TBCD: variants seen among roughly 807,000 people sequenced by gnomAD.
The protein encoded by TBCD is tubulin-specific chaperone D.
TBCD carries 105 observed loss-of-function variants against 169.3 expected under a neutral mutation model. The observed-to-expected ratio is 0.62, with a 90% confidence interval of 0.53 to 0.73. TBCD has a LOEUF of 0.73. TBCD is among the 30% of genes least tolerant of loss of function. The pLI, the probability that TBCD is intolerant of heterozygous loss-of-function variation, is 0.00. For missense variants in TBCD, 1,444 were observed against 1,600.1 expected (o/e 0.90, Z 1.66); for synonymous variants, 700 against 643.9 (o/e 1.09, Z -1.32).
rs2049575566 is a variant in TBCD at position 82,789,857 on chromosome 17, T to A, written c.772-7900T>A. On this transcript the variant is annotated intron_variant, in intron 7 of 38. Coordinates refer to ENST00000355528, the MANE Select transcript of TBCD (RefSeq NM_005993.5). The surrounding 1 kb of genome is among the most constrained non-coding windows in gnomAD (Gnocchi z 4.8). ...AGGTCACACCTGTTGTACCATCACT[T>A]TCCCCTCCTGGCCTGTTTACCCGGG... Among the ~76,000 whole-genome samples the A allele has an allele frequency of 6.6e-6, 1 of 152,182 alleles. No homozygotes were observed. Among genetic ancestry groups the A allele is most frequent in the Non-Finnish European group, 1.5e-5 (1 of 68,024 alleles).
chr17:82,834,607 C>CT (rs888578933), intron 13 of TBCD, among the ~76,000 whole-genome samples: 31 of 151,990 alleles, frequency 2.0e-4, no homozygotes, highest in African/African-American at 7.2e-4. Flanking sequence ...CCTCAGCAAA[C>CT]TAACGCAGGA....
At chr17:82,816,185 T>C (rs2051884460) in intron 13 of TBCD, among the ~76,000 whole-genome samples, 1 of 152,202 alleles carries the variant, frequency 6.6e-6, no homozygotes, top group Non-Finnish European at 1.5e-5. Context: ...ATTCTTCGGC[T>C]GAGTTTCTCT....
In TBCD at chr17:82,764,014, A is replaced by G. The variant is rs2047902671; in HGVS notation, c.285A>G (p.Pro95=). Residue 95 remains proline (P), a synonymous_variant, in exon 3 of 39, where the codon CCA becomes CCG. Coordinates refer to ENST00000355528, the MANE Select transcript of TBCD (RefSeq NM_005993.5). ...ACATAGTGCAAGATCAGACATCTCC[A>G]GCTTCCCTTGTACATCTGGCTTTTA... ...LLDIVQDQTS[P]ASLVHLAFKF... is the part of the protein sequence containing the mutation. 1 of 1,613,898 alleles carries G rather than the reference A, an allele frequency of 6.2e-7. No individual in the cohort carries two copies. Among genetic ancestry groups the G allele is most frequent in the Admixed American group, 1.7e-5 (1 of 59,998 alleles).
chr17:82,917,874 G>A lies in TBCD; in HGVS notation c.2039-2682G>A, dbSNP rs968250368. ...CCCCTGGAGTCAGCCGTGAGCCGGG[G>A]AGAGTTGGCCCCCGCCGCTCTGTCC... On this transcript the variant is annotated intron_variant, in intron 23 of 38. Coordinates refer to ENST00000355528, the MANE Select transcript of TBCD (RefSeq NM_005993.5). 3.3e-5 allele frequency among the ~76,000 whole-genome samples: 5 copies of A among 152,298 alleles called. No homozygotes were observed. The East Asian group carries it at 9.6e-4, about 29-fold the overall frequency.
chr17:82,813,891 C>T (rs988921027), intron 12 of TBCD, among the ~76,000 whole-genome samples: 11 of 152,186 alleles, frequency 7.2e-5, no homozygotes, highest in Admixed American at 4.6e-4. Context: ...GGGCTGGGCA[C>T]GCAGGAGGTG....
rs746979335 is a variant in TBCD at position 82,927,866 on chromosome 17, T to C, written c.2610-39T>C. ...GGCAGAACCAGGGTTGGAACCCCCCTCTCAAGCTGGGTGTCTCTGCCTCTC... is the reference window on the plus strand; with the variant it reads ...GGCAGAACCAGGGTTGGAACCCCCCCCTCAAGCTGGGTGTCTCTGCCTCTC... On this transcript the variant is annotated intron_variant, in intron 29 of 38. Transcript: ENST00000355528. 3.4e-5 allele frequency: 54 copies of C among 1,591,052 alleles called. No individual in the cohort carries two copies. In the South Asian group the frequency reaches 3.8e-4, roughly 11 times the overall value.
chr17:82,906,471 T>TTC (rs553744624), intron 20 of TBCD, among the ~76,000 whole-genome samples: 1 of 152,252 alleles, frequency 6.6e-6, no homozygotes, highest in South Asian at 2.1e-4. Flanking sequence ...TGCCAGAGAA[T>TTC]ATACACGTTT....
At chr17:82,788,158 A>C (rs2049442381) in intron 7 of TBCD, among the ~76,000 whole-genome samples, 1 of 152,162 alleles carries the variant, frequency 6.6e-6, no homozygotes, top group Non-Finnish European at 1.5e-5. Context: ...AAATCGCTTG[A>C]ACCCGGGAGG....
chr17:82,800,993 G>GGA lies in TBCD; in HGVS notation c.949_950dup (p.Tyr318GlyfsTer28). ...TTCCTGAAGCCGAAGGTGGCAGCAT[G>GGA]GAGGTAGGCACCATGAGGGCGGTGC... is the stretch of plus-strand genomic sequence containing the variant. On this transcript the variant is annotated frameshift_variant, in exon 9 of 39. Coordinates refer to ENST00000355528, the MANE Select transcript of TBCD (RefSeq NM_005993.5). LOFTEE classifies it high-confidence loss of function. 6.2e-7 allele frequency: 1 copy of GGA among 1,608,336 alleles called. No individual in the cohort carries two copies. Among genetic ancestry groups the GGA allele is most frequent in the Non-Finnish European group, 8.5e-7 (1 of 1,178,196 alleles).
chr17:82,850,360 G>GTTGTTGGCTGTCCTC (rs2055661122), intron 13 of TBCD, among the ~76,000 whole-genome samples: 1 of 151,488 alleles, frequency 6.6e-6, no homozygotes, highest in African/African-American at 2.4e-5. Flanking sequence ...TGGCTGTCCT[G>GTTGTTGGCTGTCCTC]TTGTTGGCTG....
Position 82,941,488 on chromosome 17 carries a change from C to A in TBCD, c.3564+5C>A. ...AGGCCCCAGCTGGTGCCCCAGGTAA[C>A]CCTGTCACCTTCACAGCATGAGGTG... On this transcript the variant is annotated splice_donor_5th_base_variant and intron_variant, in intron 38 of 38. Transcript: ENST00000355528. 1 of 1,587,270 alleles carries A rather than the reference C, an allele frequency of 6.3e-7. No homozygotes were observed. Among genetic ancestry groups the A allele is most frequent in the East Asian group, 2.3e-5 (1 of 43,540 alleles).
intron 13 of TBCD, among the ~76,000 whole-genome samples, chr17:82,852,270 G>A (rs1027583946): frequency 4.6e-5 from 7 of 151,978 alleles, no homozygotes; most frequent in Admixed American, 2.6e-4. Context: ...TGCCCCGAGC[G>A]TGGCGTTGGC....
At chr17:82,927,499 C>T (rs966367925) in intron 29 of TBCD, among the ~76,000 whole-genome samples, 176 bp downstream of exon 29, 1 of 152,214 alleles carries the variant, frequency 6.6e-6, no homozygotes, top group Non-Finnish European at 1.5e-5. Context: ...GCCTGCGTGG[C>T]AGGGCTTTGC....
Position 82,856,781 on chromosome 17 carries a change from C to T in TBCD, c.1319-13443C>T, listed in dbSNP as rs570470615. Among the ~76,000 whole-genome samples, 162 of 147,022 alleles carry T rather than the reference C, an allele frequency of 1.1e-3. 1 individual carries two copies. Among genetic ancestry groups the T allele is most frequent in the Non-Finnish European group, 1.9e-3 (123 of 66,162 alleles). ...CATCCAGGGCGGGATCGCTGGACCGCGTGCGGACCCTCGCTGCGCATCCAG... is the reference window on the plus strand; with the variant it reads ...CATCCAGGGCGGGATCGCTGGACCGTGTGCGGACCCTCGCTGCGCATCCAG... On this transcript the variant is annotated intron_variant, in intron 13 of 38. Coordinates refer to ENST00000355528, the MANE Select transcript of TBCD (RefSeq NM_005993.5).
At position 82,818,399 on chromosome 17, in the gene TBCD, A is replaced by AT. The variant is rs140634040; in HGVS notation, c.1318+3468dup. Among the ~76,000 whole-genome samples, 634 of 152,272 alleles carry AT rather than the reference A, an allele frequency of 4.2e-3. 2 individuals are homozygous for AT. Among genetic ancestry groups the AT allele is most frequent in the African/African-American group, 0.014 (600 of 41,546 alleles). On this transcript the variant is annotated intron_variant, in intron 13 of 38. Transcript: ENST00000355528. ...GTGACAGGGCTGACATTTGATGAGCATTTGCAGCATGCTTTTTATGTTTTT... is the reference window on the plus strand; with the variant it reads ...GTGACAGGGCTGACATTTGATGAGCATTTTGCAGCATGCTTTTTATGTTTTT...
At chr17:82,779,646 C>T (rs138395652) in intron 6 of TBCD, among the ~76,000 whole-genome samples, 2 of 152,302 alleles carry the variant, frequency 1.3e-5, no homozygotes, top group East Asian at 1.9e-4. Context: ...GTGTTAAGTG[C>T]CCTGAGAGGG....
intron 14 of TBCD, among the ~76,000 whole-genome samples, chr17:82,882,960 G>A (rs1299612317): frequency 6.6e-6 from 1 of 152,252 alleles, no homozygotes; most frequent in Non-Finnish European, 1.5e-5. Context: ...CCAGGCTGGA[G>A]CGGGTGACGG....
In TBCD at chr17:82,789,804, G is replaced by C. The variant is rs564963102; in HGVS notation, c.772-7953G>C. 3.3e-5 allele frequency among the ~76,000 whole-genome samples: 5 copies of C among 152,126 alleles called. No homozygotes were observed. The highest frequency in any genetic ancestry group is 1.2e-4 in the African/African-American group (5 of 41,426). ...CCTTCTGTGGACCCGTTGGGTACAC[G>C]TGTGACACTTCAGAACCCGCAAGTC... is the stretch of plus-strand genomic sequence containing the variant. On this transcript the variant is annotated intron_variant, in intron 7 of 38. Transcript: ENST00000355528. The surrounding 1 kb of genome is among the most constrained non-coding windows in gnomAD (Gnocchi z 4.8).
At chr17:82,891,323 T>C (rs1025271155) in intron 16 of TBCD, among the ~76,000 whole-genome samples, 28 of 152,222 alleles carry the variant, frequency 1.8e-4, no homozygotes, top group African/African-American at 6.8e-4. Context: ...GAAAATGGGA[T>C]ATTCCCGTGG....
Sources: gnomAD v4.1 joint callset for allele counts (sites outside exome capture counted in the v4.1 genomes callset) on GRCh38, gnomAD v4.1.1 for gene constraint, Gnocchi (gnomAD v3.1) non-coding constraint, MANE v1.5 for transcripts, NCBI Gene and HGNC (gene_info 2026-07-23, HGNC 2026-07-21) for gene names.